The following CFAP91 variants were observed in gnomAD, a reference collection of about 807,000 sequenced individuals.
CFAP91 encodes cilia- and flagella-associated protein 91.
Under a neutral mutation model 95.9 loss-of-function variants are expected in CFAP91, and 85 were observed. The ratio of observed to expected loss-of-function variants is 0.89; its 90% confidence interval spans 0.74 to 1.06. CFAP91 has a LOEUF of 1.06. Ranked by LOEUF, CFAP91 falls within the 50% of genes least tolerant of loss-of-function variation. The pLI is 0.00. For synonymous variants in CFAP91, 335 were observed against 327.5 expected (o/e 1.02, Z -0.25); for missense variants, 962 against 943.4 (o/e 1.02, Z -0.26).
intron 14 of CFAP91, among the ~76,000 whole-genome samples, 176 bp from the exon 15 acceptor site, chr3:119,746,939 G>C (rs2054231344): frequency 6.6e-6 from 1 of 152,188 alleles, no homozygotes; most frequent in Non-Finnish European, 1.5e-5. Context: ...TGAGTAGGTA[G>C]GTGGATGAGA....
In CFAP91 at chr3:119,747,829, A is replaced by AGAG. The variant is rs763172316; in HGVS notation, c.2074_2076dup (p.Glu692dup). ...TTTTTAGCCGAACCTATCTTCAGTC[A>AGAG]GAGGAGATTGTTGCTGAGTTGGTTT... is the stretch of plus-strand genomic sequence containing the variant. On this transcript the variant is annotated inframe_insertion, in exon 16 of 18. Coordinates refer to ENST00000273390, the MANE Select transcript of CFAP91 (RefSeq NM_033364.4). 1 of 1,613,284 alleles carries AGAG rather than the reference A, an allele frequency of 6.2e-7. No individual in the cohort carries two copies. The highest frequency in any genetic ancestry group is 8.5e-7 in the Non-Finnish European group (1 of 1,179,656).
chr3:119,726,383 A>G, intron 7 of CFAP91, 35 bp downstream of exon 7: 2 of 1,564,572 alleles, frequency 1.3e-6, no homozygotes, highest in South Asian at 2.4e-5. Flanking sequence ...CTGTTCCTGC[A>G]CTGGTGGGAA....
intron 14 of CFAP91, among the ~76,000 whole-genome samples, chr3:119,744,686 G>A (rs1409556199): frequency 6.6e-6 from 1 of 152,178 alleles, no homozygotes; most frequent in Admixed American, 6.5e-5. Context: ...AAGCTTAGGG[G>A]CAGGGGAGGA....
chr3:119,715,348 A>G lies in CFAP91; in HGVS notation c.501-214A>G, dbSNP rs1400417533. The G allele has an allele frequency of 8.8e-6, 6 of 680,612 alleles. No homozygotes were observed. The African/African-American group carries it at 8.9e-5, about 10-fold the overall frequency. 42.2% of individuals were successfully genotyped at this position (680,612 alleles called of 1,614,324 possible). A position where few individuals can be genotyped will look rare whatever the true frequency, so the allele number is the denominator to read the frequency against. On this transcript the variant is annotated intron_variant, in intron 5 of 17. Coordinates refer to ENST00000273390, the MANE Select transcript of CFAP91 (RefSeq NM_033364.4). ...TGGGTCAACCATGGTACTTTGACCCACTTAGTTTCCTGGCAGAGGTGAGAA... is the reference window on the plus strand; with the variant it reads ...TGGGTCAACCATGGTACTTTGACCCGCTTAGTTTCCTGGCAGAGGTGAGAA...
At position 119,744,170 on chromosome 3, in the gene CFAP91, C is replaced by T. The variant is rs374383735; in HGVS notation, c.1876C>T (p.Arg626Trp). The change falls in exon 14 of 18, where the codon CGG becomes TGG. Residue 626 changes from arginine (R) to tryptophan (W), a missense_variant. Arg to Trp is a moderately radical substitution (Grantham distance 101). Coordinates refer to ENST00000273390, the MANE Select transcript of CFAP91 (RefSeq NM_033364.4). ...GCGCCAGGTGGAAAAACAGCGCCTG[C>T]GGGAGGAGGACGAGATATTTAAGGA... is the stretch of plus-strand genomic sequence containing the variant. Reference protein sequence around the residue: ...GRRQVEKQRLREEDEIFKEVV... With the variant: ...GRRQVEKQRLWEEDEIFKEVV... The T allele has an allele frequency of 1.1e-5, 18 of 1,612,618 alleles. No individual in the cohort carries two copies. The highest frequency in any genetic ancestry group is 1.7e-4 in the Middle Eastern group (1 of 6,058).
At chr3:119,756,086 C>A (rs756240841) in intron 17 of CFAP91, among the ~76,000 whole-genome samples, 3 of 152,102 alleles carry the variant, frequency 2.0e-5, no homozygotes, top group Non-Finnish European at 4.4e-5. Flanking sequence ...TTCAAGAAGA[C>A]TTCTTAACCC....
chr3:119,746,410 A>G (rs1305919836), intron 14 of CFAP91, among the ~76,000 whole-genome samples: 1 of 152,248 alleles, frequency 6.6e-6, no homozygotes, highest in African/African-American at 2.4e-5. Context: ...AGAAGCAGTC[A>G]AGGGCTGGTA....
rs971327217 is a variant in CFAP91, at chr3:119,743,242, C to T, written c.1681-733C>T. Among the ~76,000 whole-genome samples the T allele has an allele frequency of 7.2e-5, 11 of 151,878 alleles. No homozygotes were observed. The East Asian group carries it at 1.8e-3, about 24-fold the overall frequency. On this transcript the variant is annotated intron_variant, in intron 13 of 17. Coordinates refer to ENST00000273390, the MANE Select transcript of CFAP91 (RefSeq NM_033364.4). Reference sequence around the variant, plus strand: ...AGGCAATTCTCCTGCCTCAGGCTCCCGAGTAGCTGGGATTACAGGCACGCA... The same window carrying T: ...AGGCAATTCTCCTGCCTCAGGCTCCTGAGTAGCTGGGATTACAGGCACGCA...
At chr3:119,746,013 T>A (rs573851878) in intron 14 of CFAP91, among the ~76,000 whole-genome samples, 1 of 152,292 alleles carries the variant, frequency 6.6e-6, no homozygotes, top group Non-Finnish European at 1.5e-5. Flanking sequence ...AAGCTGATAA[T>A]CTGTTGAGGA....
rs775678432 is a variant in CFAP91, at chr3:119,726,277, T to C, written c.789T>C (p.Phe263=). The C allele has an allele frequency of 1.2e-6, 2 of 1,613,910 alleles. No homozygotes were observed. The highest frequency in any genetic ancestry group is 2.2e-5 in the South Asian group (2 of 91,038). Reference sequence around the variant, plus strand: ...CCGCTCTGAGTGACACCTCCCAGTTTGAGAAGAGGAGGAAAATGATGAATG... The same window carrying C: ...CCGCTCTGAGTGACACCTCCCAGTTCGAGAAGAGGAGGAAAATGATGAATG... ...SLPALSDTSQ[F]EKRRKMMNEM... The change falls in exon 7 of 18, where the codon TTT becomes TTC. Residue 263 remains phenylalanine (F), a synonymous_variant. Transcript: ENST00000273390.
At chr3:119,716,129 C>T (rs1420451431) in intron 6 of CFAP91, among the ~76,000 whole-genome samples, 1 of 152,148 alleles carries the variant, frequency 6.6e-6, no homozygotes, top group Non-Finnish European at 1.5e-5. Flanking sequence ...GTCATATTAT[C>T]TTAATTTGCC....
At chr3:119,721,951 GGATT>G (rs937155006) in intron 6 of CFAP91, among the ~76,000 whole-genome samples, 5 of 152,086 alleles carry the variant, frequency 3.3e-5, no homozygotes, top group Non-Finnish European at 7.4e-5. Context: ...CAAGGCAGGA[GGATT>G]GATTGAGGCC....
intron 17 of CFAP91, among the ~76,000 whole-genome samples, chr3:119,760,620 CTGA>C (rs367678513): frequency 6.6e-6 from 1 of 151,694 alleles, no homozygotes; most frequent in African/African-American, 2.4e-5. Flanking sequence ...TTCTCCAAGA[CTGA>C]TGACTGATAA....
chr3:119,736,481 T>C (rs1000058370), intron 10 of CFAP91, among the ~76,000 whole-genome samples: 3 of 152,004 alleles, frequency 2.0e-5, no homozygotes, highest in Admixed American at 2.0e-4. Context: ...TTTCACCGTG[T>C]TAGCCAGGAT....
chr3:119,741,682 C>T (rs1322149334), intron 13 of CFAP91, among the ~76,000 whole-genome samples: 1 of 152,194 alleles, frequency 6.6e-6, no homozygotes, highest in Non-Finnish European at 1.5e-5. Flanking sequence ...GAAAAAGAAT[C>T]AATTTGCACA....
intron 13 of CFAP91, among the ~76,000 whole-genome samples, chr3:119,741,623 T>C (rs1363658954): frequency 2.6e-5 from 4 of 152,258 alleles, no homozygotes; most frequent in Non-Finnish European, 4.4e-5. Flanking sequence ...TGACATAGTA[T>C]AGCTATGCTT....
intron 17 of CFAP91, among the ~76,000 whole-genome samples, chr3:119,763,736 G>C (rs2054579568): frequency 6.6e-6 from 1 of 152,086 alleles, no homozygotes; most frequent in African/African-American, 2.4e-5. Context: ...TGAACCAGGT[G>C]TAATGCATCC....
At chr3:119,755,345 A>G (rs891893974) in intron 17 of CFAP91, among the ~76,000 whole-genome samples, 8 of 152,168 alleles carry the variant, frequency 5.3e-5, no homozygotes, top group Non-Finnish European at 7.4e-5. Context: ...ATAACCCCCA[A>G]TGTGGTATTT....
chr3:119,740,874 T>G, intron 13 of CFAP91, 179 bp downstream of exon 13: 1 of 698,188 alleles, frequency 1.4e-6, no homozygotes, highest in Non-Finnish European at 2.3e-6. Flanking sequence ...TGTGTGTGTG[T>G]GATGGAGTTT....
Sources: allele counts gnomAD v4.1 joint callset (sites outside exome capture counted in the v4.1 genomes callset), GRCh38; gene constraint gnomAD v4.1.1; transcripts MANE v1.5; gene names NCBI Gene and HGNC (gene_info 2026-07-23, HGNC 2026-07-21).